SNTG1: variants seen among roughly 807,000 people sequenced by gnomAD.
The protein encoded by SNTG1 is syntrophin gamma 1.
In SNTG1, 39 loss-of-function variants were observed where a neutral mutation model predicts 74.7. That is an observed-to-expected ratio of 0.52 (90% CI 0.40 to 0.68). The LOEUF (loss-of-function observed/expected upper bound fraction) is 0.68, where lower values mean the gene tolerates loss of function less well. Among genes scored for constraint, SNTG1 ranks in the 30% least tolerant of loss-of-function variants. The pLI, the probability that SNTG1 is intolerant of heterozygous loss-of-function variation, is 0.00. For synonymous variants in SNTG1, 254 were observed against 217.1 expected (o/e 1.17, Z -1.49); for missense variants, 685 against 609.5 (o/e 1.12, Z -1.30).
chr8:50,619,018 G>T (rs2094903369), intron 13 of SNTG1, among the ~76,000 whole-genome samples: 1 of 151,964 alleles, frequency 6.6e-6, no homozygotes, highest in Non-Finnish European at 1.5e-5. Flanking sequence ...TCTGTCTTGT[G>T]CATATGGCTG....
chr8:50,316,845 C>T (rs541595809), intron 2 of SNTG1, among the ~76,000 whole-genome samples: 212 of 152,180 alleles, frequency 1.4e-3, no homozygotes, highest in Middle Eastern at 3.4e-3. Context: ...AATTTACATA[C>T]GCCAAAATTC....
chr8:50,249,388 GC>G lies in SNTG1; in HGVS notation c.-28+76757del, dbSNP rs560166970. Among the ~76,000 whole-genome samples the G allele has an allele frequency of 2.2e-3, 334 of 152,316 alleles. 2 individuals carry two copies. Among genetic ancestry groups the G allele is most frequent in the African/African-American group, 7.5e-3 (312 of 41,580 alleles). On this transcript the variant is annotated intron_variant, in intron 2 of 18. Coordinates refer to ENST00000642720, the MANE Select transcript of SNTG1 (RefSeq NM_018967.5). Reference sequence around the variant, plus strand: ...CAACAGCCAGGCCAGAGGCAGTCCTGCCCCATAAGCTGGCCTCACCTCAGCA... The same window carrying G: ...CAACAGCCAGGCCAGAGGCAGTCCTGCCCATAAGCTGGCCTCACCTCAGCA...
intron 11 of SNTG1, among the ~76,000 whole-genome samples, chr8:50,549,731 CTA>C (rs1327894654): frequency 6.6e-6 from 1 of 152,086 alleles, no homozygotes; most frequent in Non-Finnish European, 1.5e-5. Context: ...TTTGGATATA[CTA>C]TGTTTTTCAT....
chr8:50,313,926 A>G lies in SNTG1; in HGVS notation c.-27-80286A>G, dbSNP rs183815788. ...TCTGAAATACAAGGATTGTTTTTCTACATAACTAGCTTGGCATTATCATGC... is the reference window on the plus strand; with the variant it reads ...TCTGAAATACAAGGATTGTTTTTCTGCATAACTAGCTTGGCATTATCATGC... On this transcript the variant is annotated intron_variant, in intron 2 of 18. Transcript: ENST00000642720. 5.4e-3 allele frequency among the ~76,000 whole-genome samples: 804 copies of G among 150,198 alleles called. 12 individuals are homozygous for G. Among genetic ancestry groups the G allele is most frequent in the Middle Eastern group, 0.01 (3 of 294 alleles).
At chr8:49,973,610 C>T (rs967232702) in intron 1 of SNTG1, among the ~76,000 whole-genome samples, 2 of 151,362 alleles carry the variant, frequency 1.3e-5, no homozygotes, top group South Asian at 4.2e-4. Context: ...TAATATGCAT[C>T]AGTGTATCTT....
chr8:50,103,628 TG>T (rs1336451118), intron 1 of SNTG1, among the ~76,000 whole-genome samples: 1 of 152,220 alleles, frequency 6.6e-6, no homozygotes, highest in African/African-American at 2.4e-5. Flanking sequence ...AGGGCATCCC[TG>T]TCTTGTGCCA....
At chr8:50,326,762 T>A (rs2090766566) in intron 2 of SNTG1, among the ~76,000 whole-genome samples, 1 of 151,970 alleles carries the variant, frequency 6.6e-6, no homozygotes, top group African/African-American at 2.4e-5. Context: ...TTTTTCTAAT[T>A]TTCTAAAGTG....
chr8:50,347,329 G>A (rs577720882), intron 2 of SNTG1, among the ~76,000 whole-genome samples: 1 of 152,272 alleles, frequency 6.6e-6, no homozygotes, highest in South Asian at 2.1e-4. Flanking sequence ...ACATTTGTTT[G>A]TAGCATTATT....
chr8:50,226,374 A>C (rs1490370393), intron 2 of SNTG1, among the ~76,000 whole-genome samples: 3 of 152,160 alleles, frequency 2.0e-5, no homozygotes, highest in Admixed American at 6.6e-5. Context: ...TTTGTGGGGG[A>C]AACTCTGTAT....
At chr8:50,483,432 G>T (rs551485359) in intron 8 of SNTG1, among the ~76,000 whole-genome samples, 2 of 152,070 alleles carry the variant, frequency 1.3e-5, no homozygotes, top group South Asian at 2.1e-4. Context: ...GACTCTCAAA[G>T]AAACCACTGT....
At chr8:50,076,094 A>G (rs1821857365) in intron 1 of SNTG1, among the ~76,000 whole-genome samples, 1 of 152,184 alleles carries the variant, frequency 6.6e-6, no homozygotes, top group African/African-American at 2.4e-5. Flanking sequence ...AAGTGCAATC[A>G]AGCGAAGTGT....
intron 8 of SNTG1, among the ~76,000 whole-genome samples, chr8:50,464,850 A>G (rs1439810235): frequency 2.0e-5 from 3 of 152,108 alleles, no homozygotes; most frequent in African/African-American, 7.2e-5. Flanking sequence ...ATATCTGAAA[A>G]AAGTATCCAT....
At chr8:50,442,893 G>A (rs1285597113) in intron 5 of SNTG1, among the ~76,000 whole-genome samples, 1 of 152,088 alleles carries the variant, frequency 6.6e-6, no homozygotes, top group Non-Finnish European at 1.5e-5. Context: ...CCTGCACATG[G>A]CCTCGGGCCT....
intron 4 of SNTG1, among the ~76,000 whole-genome samples, chr8:50,407,845 C>T (rs918975723): frequency 1.3e-5 from 2 of 152,252 alleles, no homozygotes; most frequent in African/African-American, 4.8e-5. Flanking sequence ...GTTGTACTGA[C>T]TGGTTGGATC....
chr8:50,698,074 G>T lies in SNTG1; in HGVS notation c.1039-6526G>T, dbSNP rs552011259. Among the ~76,000 whole-genome samples the T allele has an allele frequency of 2.0e-5, 3 of 152,202 alleles. No homozygotes were observed. In the East Asian group the frequency reaches 5.8e-4, roughly 29 times the overall value. ...TCCATCTGTTCCTGGGATTTTCTTTGTTGGGAGACTTTTCGTAGTTGGGAG... is the reference window on the plus strand; with the variant it reads ...TCCATCTGTTCCTGGGATTTTCTTTTTTGGGAGACTTTTCGTAGTTGGGAG... On this transcript the variant is annotated intron_variant, in intron 15 of 18. Transcript: ENST00000642720.
intron 1 of SNTG1, among the ~76,000 whole-genome samples, chr8:49,993,959 G>GAA (rs1813937776): frequency 6.6e-6 from 1 of 151,950 alleles, no homozygotes; most frequent in Non-Finnish European, 1.5e-5. Context: ...AAACATATGG[G>GAA]GAAAGTTCTC....
At chr8:50,108,734 T>C (rs547996976) in intron 1 of SNTG1, among the ~76,000 whole-genome samples, 1 of 152,310 alleles carries the variant, frequency 6.6e-6, no homozygotes, top group South Asian at 2.1e-4. Context: ...GCTCCTTTGC[T>C]GAGTTATTTG....
intron 4 of SNTG1, among the ~76,000 whole-genome samples, chr8:50,428,296 T>C (rs2093189719): frequency 6.6e-6 from 1 of 152,004 alleles, no homozygotes. Flanking sequence ...GGCAACAGAG[T>C]AAGACTGTGT....
chr8:50,376,356 C>T (rs1179919440), intron 2 of SNTG1, among the ~76,000 whole-genome samples: 2 of 152,080 alleles, frequency 1.3e-5, no homozygotes, highest in Non-Finnish European at 2.9e-5. Context: ...AAAATATTTT[C>T]ATATCATCTT....
Sources: allele counts gnomAD v4.1 joint callset (sites outside exome capture counted in the v4.1 genomes callset), GRCh38; gene constraint gnomAD v4.1.1; transcripts MANE v1.5; gene names NCBI Gene and HGNC (gene_info 2026-07-23, HGNC 2026-07-21).